The following TXLNB variants were observed in gnomAD, a reference collection of about 807,000 sequenced individuals.
TXLNB encodes beta-taxilin.
In TXLNB, 37 loss-of-function variants were observed where a neutral mutation model predicts 57.4. That is an observed-to-expected ratio of 0.64 (90% CI 0.50 to 0.85). The LOEUF is 0.85. TXLNB is among the 40% of genes least tolerant of loss of function. The pLI, the probability that TXLNB is intolerant of heterozygous loss-of-function variation, is 0.00. For synonymous variants in TXLNB, 302 were observed against 309.6 expected (o/e 0.98, Z 0.26); for missense variants, 848 against 825.6 (o/e 1.03, Z -0.33).
the TXLNB span, among the ~76,000 whole-genome samples, chr6:139,317,643 G>A: frequency 5.9e-5 from 9 of 151,938 alleles, no homozygotes; most frequent in South Asian, 2.1e-4. Context: ...TTCCCGCCTC[G>A]GCCTCCCAAA....
At chr6:139,294,413 T>C (rs1054279576), upstream of TXLNB, among the ~76,000 whole-genome samples, 79 of 152,302 alleles carry the variant, frequency 5.2e-4, no homozygotes, top group African/African-American at 1.8e-3. Flanking sequence ...CTGCTTGCTA[T>C]GGTCTGAATG....
At chr6:139,212,548 G>T in the TXLNB span, among the ~76,000 whole-genome samples, 1 of 150,806 alleles carries the variant, frequency 6.6e-6, no homozygotes, top group African/African-American at 2.4e-5. Context: ...AGACCATTGA[G>T]GCTAGGAAGA....
chr6:139,176,120 G>A, the TXLNB span, among the ~76,000 whole-genome samples: 1 of 152,224 alleles, frequency 6.6e-6, no homozygotes, highest in East Asian at 1.9e-4. The surrounding 1 kb of genome is among the most constrained non-coding windows in gnomAD (Gnocchi z 4.5). Context: ...TTAAAAGAGT[G>A]TTTATCTCAG....
At chr6:139,266,499 A>G (rs1776618683) in intron 4 of TXLNB, among the ~76,000 whole-genome samples, 2 of 152,214 alleles carry the variant, frequency 1.3e-5, no homozygotes, top group South Asian at 4.1e-4. Flanking sequence ...GAGAGAGAAA[A>G]GAATCACTGA....
chr6:139,224,759 T>C, the TXLNB span, among the ~76,000 whole-genome samples: 1 of 152,044 alleles, frequency 6.6e-6, no homozygotes, highest in African/African-American at 2.4e-5. Context: ...ACTCCAGATC[T>C]AGATAACTTA....
intron 2 of TXLNB, among the ~76,000 whole-genome samples, chr6:139,278,169 A>G (rs1776948784): frequency 6.6e-6 from 1 of 152,214 alleles, no homozygotes; most frequent in African/African-American, 2.4e-5. Context: ...TTAGTATTTA[A>G]GGCCCAGAAA....
At chr6:139,174,646 A>G in the TXLNB span, 26 of 1,485,480 alleles carry the variant, frequency 1.8e-5, no homozygotes, top group East Asian at 4.6e-5. Flanking sequence ...CAGTCCAGCA[A>G]TGATGGCTGA....
At chr6:139,228,356 C>A in the TXLNB span, among the ~76,000 whole-genome samples, 2 of 151,974 alleles carry the variant, frequency 1.3e-5, no homozygotes, top group East Asian at 3.9e-4. Context: ...GAAACCCCAT[C>A]TCTACTAAAA....
intron 7 of TXLNB, chr6:139,251,588 G>A (rs1776206917): frequency 6.6e-6 from 1 of 152,196 alleles, no homozygotes; most frequent in Non-Finnish European, 1.5e-5. Context: ...ACAGAGCCAG[G>A]GAAGGACATC....
chr6:139,241,138 T>A lies in TXLNB; in HGVS notation c.*1388A>T, dbSNP rs1775924165. The A allele has an allele frequency of 6.6e-6, 1 of 152,218 alleles. No homozygotes were observed. Among genetic ancestry groups the A allele is most frequent in the Non-Finnish European group, 1.5e-5 (1 of 68,036 alleles). 9.4% of individuals were successfully genotyped at this position (152,218 alleles called of 1,614,324 possible). On this transcript the variant is annotated 3_prime_UTR_variant, in exon 10 of 10. Coordinates refer to ENST00000358430, the MANE Select transcript of TXLNB (RefSeq NM_153235.4). ...ACTCATGTTGACAACCCCAAGTGTT[T>A]CTAGCTTTTGCCTTCTCCTGAATCC...
the TXLNB span, among the ~76,000 whole-genome samples, chr6:139,233,448 T>C: frequency 2.7e-5 from 4 of 148,438 alleles, no homozygotes; most frequent in African/African-American, 9.9e-5. Flanking sequence ...GATAGATAGA[T>C]ATTTTTTTTG....
chr6:139,205,614 C>T, the TXLNB span, among the ~76,000 whole-genome samples: 1 of 150,682 alleles, frequency 6.6e-6, no homozygotes, highest in Non-Finnish European at 1.5e-5. Flanking sequence ...TGAATTAACC[C>T]AATCAGACAA....
At chr6:139,167,153 C>G in the TXLNB span, 3 of 1,614,024 alleles carry the variant, frequency 1.9e-6, no homozygotes, top group East Asian at 2.2e-5. Flanking sequence ...GGAAGACTTG[C>G]GGAAGTTCAT....
the TXLNB span, among the ~76,000 whole-genome samples, chr6:139,221,171 G>C: frequency 6.6e-6 from 1 of 152,204 alleles, no homozygotes; most frequent in African/African-American, 2.4e-5. Flanking sequence ...CTGTGACTGA[G>C]AGGATGAGAC....
the TXLNB span, among the ~76,000 whole-genome samples, chr6:139,315,776 G>A: frequency 6.6e-6 from 1 of 152,132 alleles, no homozygotes; most frequent in Admixed American, 6.6e-5. Context: ...TTTATGCTGA[G>A]ATGAATAAAA....
At chr6:139,259,386 C>G (rs1256014404) in intron 6 of TXLNB, among the ~76,000 whole-genome samples, 4 of 152,166 alleles carry the variant, frequency 2.6e-5, no homozygotes, top group Non-Finnish European at 5.9e-5. Context: ...CATTTTGAAC[C>G]TCTCCCCCAT....
chr6:139,265,224 T>C (rs774520535), intron 4 of TXLNB, among the ~76,000 whole-genome samples: 13 of 152,244 alleles, frequency 8.5e-5, no homozygotes, highest in Admixed American at 2.6e-4. Flanking sequence ...TTCTGTGATA[T>C]TCTGACAACA....
At chr6:139,260,950 T>G (rs1776465545) in intron 5 of TXLNB, among the ~76,000 whole-genome samples, 1 of 152,208 alleles carries the variant, frequency 6.6e-6, no homozygotes, top group Non-Finnish European at 1.5e-5. Context: ...GTCCGAGGTC[T>G]GGGAGTGAGG....
At chr6:139,233,919 A>T in the TXLNB span, among the ~76,000 whole-genome samples, 1 of 152,306 alleles carries the variant, frequency 6.6e-6, no homozygotes, top group East Asian at 1.9e-4. Context: ...TTCCCTTCCT[A>T]GAGACTTGAT....
Sources: allele counts gnomAD v4.1 joint callset (sites outside exome capture counted in the v4.1 genomes callset), GRCh38; gene constraint gnomAD v4.1.1; non-coding constraint Gnocchi (gnomAD v3.1); transcripts MANE v1.5; gene names NCBI Gene and HGNC (gene_info 2026-07-23, HGNC 2026-07-21).